LIPI: variants seen among roughly 807,000 people sequenced by gnomAD.
The protein encoded by LIPI is lipase I, also known as lipase member I.
In LIPI, 59 loss-of-function variants were observed where a neutral mutation model predicts 50.6. The observed-to-expected ratio is 1.16, with a 90% CI of 0.94 to 1.45. The LOEUF (loss-of-function observed/expected upper bound fraction) is 1.45. Among genes scored for constraint, LIPI ranks in the 40% most tolerant of loss-of-function variants. LIPI has a pLI of 0.00. For missense variants in LIPI, 586 were observed against 536.3 expected, an observed-to-expected ratio of 1.09 and a Z score of -0.92; for synonymous variants, 203 against 178.2, an observed-to-expected ratio of 1.14 and a Z score of -1.11.
chr21:14,196,438 G>A (rs1388584614), intron 1 of LIPI, among the ~76,000 whole-genome samples: 1 of 152,116 alleles, frequency 6.6e-6, no homozygotes, highest in East Asian at 1.9e-4. Flanking sequence ...ATTGCAAAAA[G>A]CTAACTAACT....
rs977877525 is a variant in LIPI, at chr21:14,144,685, C to A, written c.1233G>T (p.Gln411His). The stretch of plus-strand genomic sequence containing the variant: ...GGATCTTGTATGTGCATGTGGAACA[C>A]TGCAGATTTGAGCTCTGGAAATATG... ...GLTYFQSSNLQCSTCTYKIQS... is the reference protein window; with the variant it reads ...GLTYFQSSNLHCSTCTYKIQS... Residue 411 changes from glutamine to histidine, a missense_variant, in exon 9 of 10, where the codon CAG (glutamine) becomes CAT (histidine). Coordinates refer to ENST00000681601, the MANE Select transcript of LIPI (RefSeq NM_001302998.2). 3.2e-6 allele frequency: 5 copies of A among 1,580,016 alleles called. No homozygotes were observed. In the African/African-American group the frequency reaches 6.8e-5, roughly 21 times the overall value.
intron 3 of LIPI, among the ~76,000 whole-genome samples, chr21:14,183,474 T>C (rs1265449089): frequency 6.6e-6 from 1 of 151,942 alleles, no homozygotes; most frequent in African/African-American, 2.4e-5. Flanking sequence ...AATTGAGAAA[T>C]GGGATCTAAT....
intron 9 of LIPI, among the ~76,000 whole-genome samples, chr21:14,111,003 T>C (rs8127547): frequency 0.82 from 122,643 of 149,652 alleles, 50,475 homozygotes; most frequent in East Asian, 0.96. Flanking sequence ...GAAATCTTAG[T>C]TTTATTTTTT....
chr21:14,113,940 C>A (rs1177753531), intron 9 of LIPI, among the ~76,000 whole-genome samples: 1 of 152,138 alleles, frequency 6.6e-6, no homozygotes. Flanking sequence ...GTAATCCCAA[C>A]ACCTTGGGAG....
chr21:14,133,732 A>G (rs1021151122), intron 9 of LIPI, among the ~76,000 whole-genome samples: 48 of 152,198 alleles, frequency 3.2e-4, no homozygotes, highest in African/African-American at 1.1e-3. Flanking sequence ...AAAACCCTAA[A>G]GACTCCACCA....
chr21:14,148,062 C>A (rs1425795168), intron 8 of LIPI, among the ~76,000 whole-genome samples: 5 of 151,900 alleles, frequency 3.3e-5, no homozygotes, highest in African/African-American at 1.2e-4. Context: ...TATATCTGGT[C>A]CAATGAATCA....
intron 3 of LIPI, among the ~76,000 whole-genome samples, chr21:14,182,523 A>G (rs371955955): frequency 4.3e-4 from 65 of 152,340 alleles, no homozygotes; most frequent in African/African-American, 1.4e-3. Flanking sequence ...CAATGAAGAA[A>G]CAATCATCTT....
chr21:14,130,308 C>T (rs2017241628), intron 9 of LIPI, among the ~76,000 whole-genome samples: 2 of 152,010 alleles, frequency 1.3e-5, no homozygotes, highest in Admixed American at 1.3e-4. Context: ...CTATTGCACT[C>T]CAGCCCAGGC....
At chr21:14,171,087 C>G (rs2018885289) in intron 4 of LIPI, among the ~76,000 whole-genome samples, 1 of 148,224 alleles carries the variant, frequency 6.7e-6, no homozygotes, top group African/African-American at 2.5e-5. Flanking sequence ...AAACAGAGAG[C>G]CAAATCATGA....
intron 7 of LIPI, among the ~76,000 whole-genome samples, chr21:14,161,827 T>TAC (rs2018502317): frequency 1.0e-5 from 1 of 95,448 alleles, no homozygotes; most frequent in African/African-American, 4.6e-5. Flanking sequence ...TACAAATATA[T>TAC]ATTAATATAT....
At position 14,210,793 on chromosome 21, in the gene LIPI, A is replaced by C. The variant is rs188802476; in HGVS notation, c.46+7T>G. 4.4e-3 allele frequency: 4,994 copies of C among 1,130,266 alleles called. 11 individuals are homozygous for C. The highest frequency in any genetic ancestry group is 5.3e-3 in the Non-Finnish European group (4,663 of 873,398). The allele number at this position is 1,130,266 out of a possible 1,614,324, so 70.0% of individuals were successfully genotyped here. On this transcript the variant is annotated splice_region_variant and intron_variant, in intron 1 of 9. Transcript: ENST00000681601. ...AAGATAAATCAAATTATTAATTAAT[A>C]TCTTACCAGATCTCACCCAGCACAT...
chr21:14,190,238 G>A (rs1405947015), intron 1 of LIPI, among the ~76,000 whole-genome samples: 1 of 151,962 alleles, frequency 6.6e-6, no homozygotes, highest in Non-Finnish European at 1.5e-5. Context: ...CAGATGAATA[G>A]CAATAGTCAT....
intron 7 of LIPI, 22 bp downstream of exon 7, chr21:14,163,397 G>C (rs769230486): frequency 8.9e-7 from 1 of 1,128,474 alleles, no homozygotes; most frequent in Admixed American, 1.7e-5. Flanking sequence ...TTGTTTATTT[G>C]TTAAAATTGT....
At chr21:14,160,745 A>G (rs1310918488) in intron 7 of LIPI, among the ~76,000 whole-genome samples, 1 of 151,430 alleles carries the variant, frequency 6.6e-6, no homozygotes, top group African/African-American at 2.4e-5. Flanking sequence ...TAGATCAAAT[A>G]TTGACAAGGA....
chr21:14,188,958 T>G, intron 2 of LIPI, 76 bp downstream of exon 2: 1 of 1,192,606 alleles, frequency 8.4e-7, no homozygotes, highest in Non-Finnish European at 1.2e-6. Flanking sequence ...TGGTATTGAA[T>G]GTAACACACT....
At chr21:14,143,184 A>G (rs2017776813) in intron 9 of LIPI, among the ~76,000 whole-genome samples, 1 of 152,180 alleles carries the variant, frequency 6.6e-6, no homozygotes, top group Non-Finnish European at 1.5e-5. Context: ...AATAACAGAT[A>G]CAGAGATTAG....
chr21:14,132,599 A>G (rs919228973), intron 9 of LIPI, among the ~76,000 whole-genome samples: 5 of 152,198 alleles, frequency 3.3e-5, no homozygotes, highest in African/African-American at 1.2e-4. Flanking sequence ...ACAAAAAGTC[A>G]ATATTCACCA....
At chr21:14,128,663 C>T (rs932971978) in intron 9 of LIPI, among the ~76,000 whole-genome samples, 1 of 147,520 alleles carries the variant, frequency 6.8e-6, no homozygotes, top group Non-Finnish European at 1.5e-5. Context: ...ATCTTAGGTA[C>T]ACGATATATC....
intron 8 of LIPI, among the ~76,000 whole-genome samples, chr21:14,148,022 C>G (rs1454846406): frequency 6.6e-6 from 1 of 152,094 alleles, no homozygotes; most frequent in Non-Finnish European, 1.5e-5. Context: ...ATTGATATTT[C>G]CCATTTAACA....
Sources: gnomAD v4.1 joint callset for allele counts (sites outside exome capture counted in the v4.1 genomes callset) on GRCh38, gnomAD v4.1.1 for gene constraint, MANE v1.5 for transcripts, NCBI Gene and HGNC (gene_info 2026-07-23, HGNC 2026-07-21) for gene names.